MED13: variants seen among roughly 807,000 people sequenced by gnomAD.
MED13 encodes the protein mediator complex subunit 13, also known as mediator of RNA polymerase II transcription subunit 13.
Under a neutral mutation model 225.2 loss-of-function variants are expected in MED13, and 23 were observed. That is an observed-to-expected ratio of 0.10 (90% confidence interval 0.07 to 0.14). MED13 has a LOEUF of 0.14. Ranked by LOEUF, MED13 falls within the 10% of genes least tolerant of loss-of-function variation. The pLI, the probability that MED13 is intolerant of heterozygous loss-of-function variation, is 1.00. For missense variants in MED13, 2,197 were observed against 2,594.5 expected (o/e 0.85, Z 3.33); for synonymous variants, 942 against 889.2 (o/e 1.06, Z -1.06).
chr17:61,948,093 GTACCAGTACTCT>G (rs1457988652), intron 28 of MED13, among the ~76,000 whole-genome samples: 2 of 151,998 alleles, frequency 1.3e-5, no homozygotes, highest in African/African-American at 4.8e-5. Context: ...AATGTAATTA[GTACCAGTACTCT>G]ATTCCTATGA....
At position 61,945,795 on chromosome 17, in the gene MED13, T is replaced by G. The variant is rs2079847554; in HGVS notation, c.*673A>C. 1 of 152,458 alleles carries G rather than the reference T, an allele frequency of 6.6e-6. No individual in the cohort carries two copies. The highest frequency in any genetic ancestry group is 1.5e-5 in the Non-Finnish European group (1 of 68,048). 9.4% of individuals were successfully genotyped at this position (152,458 alleles called of 1,614,324 possible). A position where few individuals can be genotyped will look rare whatever the true frequency, so the allele number is the denominator to read the frequency against. Reference sequence around the variant, plus strand: ...TGGTATGGACATTATTCCCCCTCTATCCCCGTTAAACTGTACATCGAGACA... The same window carrying G: ...TGGTATGGACATTATTCCCCCTCTAGCCCCGTTAAACTGTACATCGAGACA... On this transcript the variant is annotated 3_prime_UTR_variant, in exon 30 of 30. Transcript: ENST00000397786.
intron 3 of MED13, among the ~76,000 whole-genome samples, chr17:62,052,256 C>T (rs2080963148): frequency 6.6e-6 from 1 of 152,128 alleles, no homozygotes; most frequent in Middle Eastern, 3.4e-3. Context: ...AAGCCTAAGT[C>T]TCTGCTTTCA....
chr17:62,045,088 T>C (rs1394235934), intron 3 of MED13, among the ~76,000 whole-genome samples: 2 of 152,230 alleles, frequency 1.3e-5, no homozygotes, highest in African/African-American at 4.8e-5. Flanking sequence ...TGGGGTAAGA[T>C]TAAAGTATGT....
intron 3 of MED13, among the ~76,000 whole-genome samples, chr17:62,039,976 G>A (rs953282884): frequency 1.3e-5 from 2 of 151,844 alleles, no homozygotes; most frequent in South Asian, 2.1e-4. Flanking sequence ...GCACAGTCGC[G>A]GAGCACTACA....
Position 62,031,583 on chromosome 17 carries a change from A to C in MED13, c.870T>G (p.Ile290Met), listed in dbSNP as rs764444228. ...TGGATCCCACAGGGCTAGGAGTAGG[A>C]ATGTCTGACTGAGGGACTAGAACAA... ...ACFVLVPQSDIPTPSPVGSTH... is the reference protein window; with the variant it reads ...ACFVLVPQSDMPTPSPVGSTH... The change falls in exon 6 of 30, where the codon ATT becomes ATG. Residue 290 changes from isoleucine to methionine, a missense_variant. Transcript: ENST00000397786. 1.9e-6 allele frequency: 3 copies of C among 1,613,430 alleles called. No individual in the cohort carries two copies. In the Admixed American group the frequency reaches 5.0e-5, roughly 27 times the overall value.
At chr17:61,951,474 T>C (rs1030775318) in intron 27 of MED13, among the ~76,000 whole-genome samples, 1 of 152,216 alleles carries the variant, frequency 6.6e-6, no homozygotes, top group Non-Finnish European at 1.5e-5. Flanking sequence ...GTCACATGCA[T>C]ATCCTTTGGA....
rs775212638 is a variant in MED13 at position 61,955,737 on chromosome 17, T to C, written c.5725A>G (p.Ile1909Val). 6.2e-7 allele frequency: 1 copy of C among 1,612,142 alleles called. No individual in the cohort carries two copies. The highest frequency in any genetic ancestry group is 8.5e-7 in the Non-Finnish European group (1 of 1,179,534). The change falls in exon 25 of 30, where the codon ATT becomes GTT. Residue 1909 changes from isoleucine to valine, a missense_variant. By Grantham distance (29) the Ile-to-Val change is conservative (BLOSUM62 3). This residue lies in a region of MED13 where 216 missense variants were observed against 388.9 expected (regional missense o/e 0.56). Coordinates refer to ENST00000397786, the MANE Select transcript of MED13 (RefSeq NM_005121.3). ...ATTGCCACCAAGCAAGCACTGAGAATGCTAGGGGAGTCTGCAGCAGATATA... is the reference window on the plus strand; with the variant it reads ...ATTGCCACCAAGCAAGCACTGAGAACGCTAGGGGAGTCTGCAGCAGATATA... ...CGISAADSPS[I>V]LSACLVAMEP...
chr17:62,065,044 C>G (rs1335608454), intron 1 of MED13, 96 bp downstream of exon 1: 24 of 1,138,708 alleles, frequency 2.1e-5, no homozygotes, highest in East Asian at 9.7e-5. Flanking sequence ...CGCCCGGGAA[C>G]TCGGGCATCT....
chr17:62,048,231 C>T (rs1286482061), intron 3 of MED13, among the ~76,000 whole-genome samples: 1 of 149,540 alleles, frequency 6.7e-6, no homozygotes, highest in Non-Finnish European at 1.5e-5. Context: ...CATGGCGAAA[C>T]CCCGTCTCCT....
intron 3 of MED13, among the ~76,000 whole-genome samples, chr17:62,044,664 C>G (rs2080883419): frequency 6.6e-6 from 1 of 152,170 alleles, no homozygotes; most frequent in Admixed American, 6.6e-5. Context: ...ATGTAATACT[C>G]TATATTGCCT....
chr17:61,976,439 G>C (rs1216422079), intron 16 of MED13, among the ~76,000 whole-genome samples: 4 of 152,178 alleles, frequency 2.6e-5, no homozygotes, highest in Non-Finnish European at 4.4e-5. Flanking sequence ...CTGCTAACGG[G>C]TAGGGGGTTT....
intron 3 of MED13, among the ~76,000 whole-genome samples, chr17:62,040,997 A>G (rs1480818698): frequency 6.6e-6 from 1 of 152,210 alleles, no homozygotes; most frequent in African/African-American, 2.4e-5. Context: ...ATTGTACTTC[A>G]AATTACCATA....
At chr17:62,024,504 T>C (rs892749321) in intron 8 of MED13, among the ~76,000 whole-genome samples, 1 of 152,132 alleles carries the variant, frequency 6.6e-6, no homozygotes, top group Admixed American at 6.5e-5. Context: ...TTGATAAAAA[T>C]TCCACTAGTG....
At chr17:61,959,914 C>T (rs575444392) in intron 23 of MED13, among the ~76,000 whole-genome samples, 9 of 151,916 alleles carry the variant, frequency 5.9e-5, no homozygotes, top group East Asian at 3.9e-4. Flanking sequence ...TTTGTAGAGA[C>T]GGGGTTTCGC....
chr17:62,042,734 G>A (rs1171823244), intron 3 of MED13, among the ~76,000 whole-genome samples: 2 of 151,962 alleles, frequency 1.3e-5, no homozygotes, highest in East Asian at 3.8e-4. Context: ...AGACATATCG[G>A]TCTATAGGGG....
chr17:62,017,930 A>G (rs951778047), intron 8 of MED13, among the ~76,000 whole-genome samples: 7 of 152,334 alleles, frequency 4.6e-5, no homozygotes, highest in South Asian at 2.1e-4. Context: ...AGCTTTTTTC[A>G]TGAAACACCA....
chr17:62,009,647 G>A (rs2080487196), intron 9 of MED13, among the ~76,000 whole-genome samples: 1 of 152,148 alleles, frequency 6.6e-6, no homozygotes, highest in African/African-American at 2.4e-5. Flanking sequence ...CTATATACCA[G>A]TTGCTGAACT....
chr17:61,968,527 C>T (rs964916613), intron 17 of MED13, among the ~76,000 whole-genome samples: 4 of 152,118 alleles, frequency 2.6e-5, no homozygotes, highest in Non-Finnish European at 4.4e-5. Flanking sequence ...GAGGTTTCAC[C>T]GTGTTAGCCA....
At chr17:62,064,483 C>T (rs2081065367) in intron 1 of MED13, among the ~76,000 whole-genome samples, 1 of 152,146 alleles carries the variant, frequency 6.6e-6, no homozygotes, top group Admixed American at 6.5e-5. Context: ...CCACTAGCCC[C>T]CTTCACTCTC....
Sources: allele counts gnomAD v4.1 joint callset (sites outside exome capture counted in the v4.1 genomes callset), GRCh38; gene constraint gnomAD v4.1.1; regional missense constraint gnomAD v4.1.1; transcripts MANE v1.5; gene names NCBI Gene and HGNC (gene_info 2026-07-23, HGNC 2026-07-21).